The following SMC2 variants were observed in gnomAD, a reference collection of about 807,000 sequenced individuals.
The protein encoded by SMC2 is structural maintenance of chromosomes protein 2.
SMC2 carries 41 observed loss-of-function variants against 142.6 expected under a neutral mutation model. The ratio of observed to expected loss-of-function variants is 0.29; its 90% CI spans 0.22 to 0.37. The LOEUF (loss-of-function observed/expected upper bound fraction) is 0.37. SMC2 is among the 10% of genes least tolerant of loss of function. The pLI, the probability that SMC2 is intolerant of heterozygous loss-of-function variation, is 1.00. For synonymous variants in SMC2, 463 were observed against 457.5 expected (o/e 1.01, Z -0.15); for missense variants, 1,265 against 1,373.7 (o/e 0.92, Z 1.25).
chr9:104,122,030 A>G (rs138480125), intron 16 of SMC2, among the ~76,000 whole-genome samples: 135 of 152,308 alleles, frequency 8.9e-4, no homozygotes, highest in Middle Eastern at 6.8e-3. Flanking sequence ...ACATACATGT[A>G]AAGGCCTGCA....
rs147889390 is a variant in SMC2 at position 104,126,010 on chromosome 9, C to G, written c.2452-631C>G. 3.5e-3 allele frequency among the ~76,000 whole-genome samples: 535 copies of G among 152,304 alleles called. 2 individuals are homozygous for G. The highest frequency in any genetic ancestry group is 0.012 in the African/African-American group (515 of 41,556). ...GTGACAGGCAAATGAGGATTACTGC[C>G]TGAGTTCCACCTTGTGTCAGATCAG... is the stretch of plus-strand genomic sequence containing the variant. On this transcript the variant is annotated intron_variant, in intron 18 of 24. Transcript: ENST00000374793.
chr9:104,115,561 G>A (rs1419154445), intron 13 of SMC2, among the ~76,000 whole-genome samples: 2 of 151,420 alleles, frequency 1.3e-5, no homozygotes, highest in African/African-American at 4.9e-5. Context: ...CTCCTGCCTG[G>A]GCAACAGAGG....
In SMC2 at chr9:104,113,469, T is replaced by G; in HGVS notation, c.1408T>G (p.Tyr470Asp). 6.3e-7 allele frequency: 1 copy of G among 1,598,300 alleles called. No individual in the cohort carries two copies. Among genetic ancestry groups the G allele is most frequent in the South Asian group, 1.1e-5 (1 of 87,422 alleles). ...KLEAEMKKLNYEENKEESLLE... is the reference protein window; with the variant it reads ...KLEAEMKKLNDEENKEESLLE... ...TGAAGCTGAAATGAAAAAGCTAAAT[T>G]ATGAAGGTTTGCCTTTAAAAACATG... Residue 470 changes from tyrosine to aspartate, a missense_variant, in exon 11 of 25, where the codon TAT becomes GAT. By Grantham distance (160) the Tyr-to-Asp change is radical. Coordinates refer to ENST00000374793, the MANE Select transcript of SMC2 (RefSeq NM_006444.3).
intron 24 of SMC2, among the ~76,000 whole-genome samples, chr9:104,138,923 A>C (rs751728527): frequency 5.9e-5 from 9 of 152,150 alleles, no homozygotes; most frequent in Admixed American, 3.9e-4. Flanking sequence ...ACAAGCAGTC[A>C]ACCACCAGGA....
chr9:104,105,983 A>G (rs1831722462), intron 9 of SMC2, among the ~76,000 whole-genome samples: 1 of 152,194 alleles, frequency 6.6e-6, no homozygotes, highest in African/African-American at 2.4e-5. Context: ...TTCCCAAGCT[A>G]TCATAGGGAT....
In SMC2 at chr9:104,125,093, A is replaced by G; in HGVS notation, c.2439A>G (p.Lys813=). 6.4e-7 allele frequency: 1 copy of G among 1,573,544 alleles called. No individual in the cohort carries two copies. Among genetic ancestry groups the G allele is most frequent in the Non-Finnish European group, 8.6e-7 (1 of 1,169,218 alleles). ...TKADASSKKM[K]EKQQEVEAIT... is the part of the protein sequence containing the mutation. The stretch of plus-strand genomic sequence containing the variant: ...CAGATGCATCTAGCAAGAAGATGAA[A>G]GAAAAACAACAGGTAATAACTTCTT... The change falls in exon 18 of 25, where the codon AAA becomes AAG. Residue 813 remains lysine (K), a synonymous_variant. Transcript: ENST00000374793.
At chr9:104,127,164 T>G in intron 19 of SMC2, 122 bp from the exon 20 acceptor site, 1 of 686,554 alleles carries the variant, frequency 1.5e-6, no homozygotes, top group African/African-American at 1.8e-5. Context: ...GGTTAGGTGA[T>G]CATCTCTCTG....
chr9:104,137,274 T>C (rs949923600), intron 23 of SMC2, among the ~76,000 whole-genome samples: 1 of 152,142 alleles, frequency 6.6e-6, no homozygotes, highest in Non-Finnish European at 1.5e-5. Context: ...TAAGTAATTA[T>C]ACATATTTTA....
chr9:104,099,692 C>G lies in SMC2; in HGVS notation c.480+10C>G, dbSNP rs1044894937. ...TATGAAACCTCCAGAGGTAAGAGTA[C>G]TATTTATGGACATTAAAAATAGTTG... On this transcript the variant is annotated intron_variant, in intron 5 of 24. Coordinates refer to ENST00000374793, the MANE Select transcript of SMC2 (RefSeq NM_006444.3). The G allele has an allele frequency of 1.3e-6, 2 of 1,515,734 alleles. No individual in the cohort carries two copies. Among genetic ancestry groups the G allele is most frequent in the African/African-American group, 2.7e-5 (2 of 72,864 alleles). 93.9% of individuals were successfully genotyped at this position (1,515,734 alleles called of 1,614,324 possible).
intron 15 of SMC2, among the ~76,000 whole-genome samples, chr9:104,119,732 T>C (rs1274803981): frequency 1.3e-5 from 2 of 152,118 alleles, no homozygotes; most frequent in Non-Finnish European, 2.9e-5. Flanking sequence ...ATTTCCCCAT[T>C]TCATTGGCCA....
Position 104,129,645 on chromosome 9 carries a change from G to A in SMC2, c.2791G>A (p.Val931Ile). ...CCCATCTATTTTTATATGTGGCTAG[G>A]TATCCAAAATGTTGAAAGATTATGA... ...KREAEDGAAK[V>I]SKMLKDYDWI... The change falls in exon 21 of 25, where the codon GTA (valine) becomes ATA (isoleucine). Residue 931 changes from valine to isoleucine, a missense_variant and splice_region_variant. Val to Ile is a conservative substitution (Grantham distance 29). This residue lies in a region of SMC2 where 898 missense variants were observed against 904.2 expected (regional missense o/e 0.99). Transcript: ENST00000374793. The A allele has an allele frequency of 6.2e-7, 1 of 1,612,102 alleles. No homozygotes were observed. Among genetic ancestry groups the A allele is most frequent in the Non-Finnish European group, 8.5e-7 (1 of 1,178,282 alleles).
rs1261157304 is a variant in SMC2, at chr9:104,139,382, C to T, written c.*67C>T. ...GTAAACTTTTAAGGACTTGAGATAA[C>T]TAATTTGTTTATATACAAAAATTAA... On this transcript the variant is annotated 3_prime_UTR_variant, in exon 25 of 25. Coordinates refer to ENST00000374793, the MANE Select transcript of SMC2 (RefSeq NM_006444.3). 8.4e-6 allele frequency: 11 copies of T among 1,312,926 alleles called. No homozygotes were observed. The highest frequency in any genetic ancestry group is 1.1e-5 in the Non-Finnish European group (11 of 958,886). 81.3% of individuals were successfully genotyped at this position (1,312,926 alleles called of 1,614,324 possible).
At chr9:104,114,656 T>C (rs1359346938) in intron 12 of SMC2, 35 bp from the exon 13 acceptor site, 1 of 1,572,532 alleles carries the variant, frequency 6.4e-7, no homozygotes, top group Admixed American at 1.7e-5. Context: ...TACTTTATTA[T>C]CTAAGATTAA....
At chr9:104,099,428 T>C (rs1407545502) in intron 4 of SMC2, among the ~76,000 whole-genome samples, 1 of 151,704 alleles carries the variant, frequency 6.6e-6, no homozygotes, top group African/African-American at 2.4e-5. Context: ...ATTTCATTTG[T>C]ATCATTTCAT....
chr9:104,100,451 G>C lies in SMC2; in HGVS notation c.636+18G>C, dbSNP rs1830980238. On this transcript the variant is annotated intron_variant, in intron 7 of 24. Coordinates refer to ENST00000374793, the MANE Select transcript of SMC2 (RefSeq NM_006444.3). The stretch of plus-strand genomic sequence containing the variant: ...TAAAAGAGGTATATTCTGTATATGT[G>C]AGGATAATCTATTAGAATGTCTTTC... 9 of 1,411,324 alleles carry C rather than the reference G, an allele frequency of 6.4e-6. No homozygotes were observed. Among genetic ancestry groups the C allele is most frequent in the Non-Finnish European group, 8.9e-6 (9 of 1,006,766 alleles). 87.4% of individuals were successfully genotyped at this position (1,411,324 alleles called of 1,614,324 possible). A position where few individuals can be genotyped will look rare whatever the true frequency, so the allele number is the denominator to read the frequency against.
intron 18 of SMC2, 44 bp from the exon 19 acceptor site, chr9:104,126,596 TA>T: frequency 6.9e-7 from 1 of 1,453,406 alleles, no homozygotes. Context: ...TGTTTTTCAG[TA>T]GTTAATAACC....
At chr9:104,138,889 G>T (rs1835828383) in intron 24 of SMC2, among the ~76,000 whole-genome samples, 1 of 152,076 alleles carries the variant, frequency 6.6e-6, no homozygotes, top group South Asian at 2.1e-4. Context: ...CAACAAAACT[G>T]AATGCCAGCT....
chr9:104,123,307 C>T (rs1417837379), intron 17 of SMC2, 75 bp downstream of exon 17: 5 of 1,437,402 alleles, frequency 3.5e-6, no homozygotes, highest in Non-Finnish European at 4.8e-6. Context: ...ATCTTCTCTA[C>T]CTGTGCTATG....
intron 1 of SMC2, 104 bp downstream of exon 1, chr9:104,094,581 G>A: frequency 2.7e-6 from 1 of 372,908 alleles, no homozygotes; most frequent in Non-Finnish European, 4.8e-6. Flanking sequence ...GTAGGGAGGG[G>A]GACCAGTGGC....
Sources: allele counts gnomAD v4.1 joint callset (sites outside exome capture counted in the v4.1 genomes callset), GRCh38; gene constraint gnomAD v4.1.1; regional missense constraint gnomAD v4.1.1; transcripts MANE v1.5; gene names NCBI Gene and HGNC (gene_info 2026-07-23, HGNC 2026-07-21).